The following SPIDR variants were observed in gnomAD, a reference collection of about 807,000 sequenced individuals.
SPIDR encodes scaffold protein involved in DNA repair.
SPIDR carries 93 observed loss-of-function variants against 104.6 expected under a neutral mutation model. The observed-to-expected ratio is 0.89, with a 90% CI of 0.75 to 1.06. The LOEUF is 1.06. Ranked by LOEUF, SPIDR falls within the 50% of genes least tolerant of loss-of-function variation. The pLI, the probability that SPIDR is intolerant of heterozygous loss-of-function variation, is 0.00. For missense variants in SPIDR, 1,154 were observed against 1,111.2 expected (o/e 1.04, Z -0.55); for synonymous variants, 431 against 416.9 (o/e 1.03, Z -0.41).
rs1409717380 is a variant in SPIDR, at chr8:47,288,835, G to A, written c.257-2198G>A. Among the ~76,000 whole-genome samples, 4 of 152,160 alleles carry A rather than the reference G, an allele frequency of 2.6e-5. No individual in the cohort carries two copies. In the South Asian group the frequency reaches 8.3e-4, roughly 32 times the overall value. On this transcript the variant is annotated intron_variant, in intron 3 of 19. Coordinates refer to ENST00000297423, the MANE Select transcript of SPIDR (RefSeq NM_001080394.4). ...ATGTTTTTGTGCCTTTGTAAGTACT[G>A]TTTTTTCAGACATCATCTTGTCAGT...
At chr8:47,680,316 G>A (rs1049857571) in intron 11 of SPIDR, among the ~76,000 whole-genome samples, 1 of 152,214 alleles carries the variant, frequency 6.6e-6, no homozygotes, top group Non-Finnish European at 1.5e-5. Flanking sequence ...TTACAGAAGA[G>A]GGCCTGAGAT....
chr8:47,495,176 G>A (rs1339392326), intron 8 of SPIDR, among the ~76,000 whole-genome samples: 1 of 151,842 alleles, frequency 6.6e-6, no homozygotes, highest in Non-Finnish European at 1.5e-5. Context: ...TTTAACCACA[G>A]CACCCTTCTA....
intron 10 of SPIDR, among the ~76,000 whole-genome samples, chr8:47,616,371 A>G (rs1028787755): frequency 1.2e-4 from 18 of 152,158 alleles, no homozygotes; most frequent in Admixed American, 1.0e-3. Flanking sequence ...TTTGTCCTGA[A>G]AGAATCTTGG....
chr8:47,660,995 A>T (rs1011990367), intron 10 of SPIDR: 3 of 984,704 alleles, frequency 3.0e-6, no homozygotes, highest in Non-Finnish European at 3.6e-6. Context: ...CATAATCTGG[A>T]TTGTGCAGGT....
chr8:47,452,316 G>C (rs766459557), intron 8 of SPIDR, among the ~76,000 whole-genome samples: 2 of 152,136 alleles, frequency 1.3e-5, no homozygotes, highest in Admixed American at 6.5e-5. Context: ...AAAGCACTGG[G>C]ATGATGTATT....
Position 47,639,056 on chromosome 8 carries a change from G to A in SPIDR, c.1545-34745G>A, listed in dbSNP as rs558841627. On this transcript the variant is annotated intron_variant, in intron 10 of 19. Coordinates refer to ENST00000297423, the MANE Select transcript of SPIDR (RefSeq NM_001080394.4). ...ATATTGTTTGGCTAGATAGGAACTA[G>A]GTATTTTAACTACCAATTGTCAAAT... Among the ~76,000 whole-genome samples the A allele has an allele frequency of 1.3e-4, 20 of 152,288 alleles. No homozygotes were observed. The South Asian group carries it at 1.7e-3, about 13-fold the overall frequency.
chr8:47,674,980 G>A (rs1399642357), intron 11 of SPIDR, among the ~76,000 whole-genome samples: 1 of 152,138 alleles, frequency 6.6e-6, no homozygotes, highest in East Asian at 1.9e-4. Context: ...GATCTGTATA[G>A]CTGTGTTTTG....
At chr8:47,510,010 T>C (rs2082073488) in intron 8 of SPIDR, among the ~76,000 whole-genome samples, 1 of 152,206 alleles carries the variant, frequency 6.6e-6, no homozygotes, top group Non-Finnish European at 1.5e-5. Context: ...TGTCAAATGT[T>C]GATGCTCCTA....
rs1477765273 is a variant in SPIDR, at chr8:47,469,236, CTGTT to C, written c.1097+28695_1097+28698del. Among the ~76,000 whole-genome samples the C allele has an allele frequency of 5.9e-5, 9 of 152,150 alleles. No individual in the cohort carries two copies. The East Asian group carries it at 1.7e-3, about 29-fold the overall frequency. On this transcript the variant is annotated intron_variant, in intron 8 of 19. Transcript: ENST00000297423. ...GTGGAGAAAAAGGAATGTTTGTACA[CTGTT>C]GGTGGGAGTATAAATTCCTTCAACC...
intron 5 of SPIDR, among the ~76,000 whole-genome samples, chr8:47,343,480 C>CG (rs1475565906): frequency 1.3e-5 from 2 of 152,144 alleles, no homozygotes; most frequent in Non-Finnish European, 2.9e-5. Flanking sequence ...ACAGAACTTA[C>CG]GGGAAGCTGC....
intron 5 of SPIDR, among the ~76,000 whole-genome samples, chr8:47,309,258 G>A (rs1367711042): frequency 2.6e-5 from 4 of 152,160 alleles, no homozygotes; most frequent in African/African-American, 9.7e-5. Flanking sequence ...TAGAAACATT[G>A]TACTGAAGTC....
intron 10 of SPIDR, among the ~76,000 whole-genome samples, chr8:47,614,497 T>C (rs1022343913): frequency 2.0e-5 from 3 of 152,182 alleles, no homozygotes; most frequent in East Asian, 3.9e-4. Flanking sequence ...GCTGGAATTA[T>C]AGGCGTAAGC....
At position 47,589,292 on chromosome 8, in the gene SPIDR, C is replaced by T. The variant is rs575597918; in HGVS notation, c.1098-6519C>T. On this transcript the variant is annotated intron_variant, in intron 8 of 19. Coordinates refer to ENST00000297423, the MANE Select transcript of SPIDR (RefSeq NM_001080394.4). ...TCCCAGCACTTTGGGAGGCCGAGGG[C>T]GGCGGATCACTAGGTTAGGGGTTTG... Among the ~76,000 whole-genome samples, 79 of 151,140 alleles carry T rather than the reference C, an allele frequency of 5.2e-4. 1 individual carries two copies. The highest frequency in any genetic ancestry group is 3.9e-3 in the East Asian group (20 of 5,120).
chr8:47,297,536 C>A (rs2041101950), intron 5 of SPIDR, among the ~76,000 whole-genome samples: 1 of 151,904 alleles, frequency 6.6e-6, no homozygotes, highest in African/African-American at 2.4e-5. Flanking sequence ...ATACATGTGC[C>A]ATGTCGGTGT....
chr8:47,725,113 A>G (rs1224822956), intron 16 of SPIDR, among the ~76,000 whole-genome samples: 1 of 152,250 alleles, frequency 6.6e-6, no homozygotes, highest in Non-Finnish European at 1.5e-5. Flanking sequence ...GGAAGAGGGT[A>G]TAGCAGAGTT....
intron 8 of SPIDR, among the ~76,000 whole-genome samples, chr8:47,441,581 C>A (rs2069442988): frequency 6.6e-6 from 1 of 151,406 alleles, no homozygotes; most frequent in Non-Finnish European, 1.5e-5. Flanking sequence ...TACCATTTGA[C>A]TTTTTACGTT....
chr8:47,579,769 G>A (rs141278082), intron 8 of SPIDR, among the ~76,000 whole-genome samples: 142 of 151,862 alleles, frequency 9.4e-4, no homozygotes, highest in African/African-American at 3.3e-3. Flanking sequence ...CCATCTAATC[G>A]TGTGCCTGGC....
At chr8:47,690,291 G>A (rs984345255) in intron 11 of SPIDR, among the ~76,000 whole-genome samples, 1 of 152,008 alleles carries the variant, frequency 6.6e-6, no homozygotes, top group South Asian at 2.1e-4. Flanking sequence ...TGAGGGGTGC[G>A]CGTGCACGTG....
intron 8 of SPIDR, among the ~76,000 whole-genome samples, chr8:47,563,590 C>T (rs1044903480): frequency 3.9e-5 from 6 of 152,190 alleles, no homozygotes; most frequent in Non-Finnish European, 8.8e-5. Flanking sequence ...CCCCTATCGA[C>T]TGTCACATGC....
Sources: allele counts gnomAD v4.1 joint callset (sites outside exome capture counted in the v4.1 genomes callset), GRCh38; gene constraint gnomAD v4.1.1; transcripts MANE v1.5; gene names NCBI Gene and HGNC (gene_info 2026-07-23, HGNC 2026-07-21).